The following AGAP1 variants were observed in gnomAD, a reference collection of about 807,000 sequenced individuals.
AGAP1 encodes ArfGAP with GTPase domain, ankyrin repeat and PH domain 1.
A neutral mutation model predicts 105.3 loss-of-function variants in AGAP1; 29 were observed. The observed-to-expected ratio is 0.28, with a 90% CI of 0.21 to 0.38. AGAP1 has a LOEUF of 0.38. Among genes scored for constraint, AGAP1 ranks in the 10% least tolerant of loss-of-function variants. The probability of loss-of-function intolerance (pLI) is 1.00; values close to 1 mark genes in which losing one functional copy is unlikely to be tolerated. For synonymous variants in AGAP1, 509 were observed against 485.9 expected (o/e 1.05, Z -0.63); for missense variants, 998 against 1,165.1 (o/e 0.86, Z 2.09).
Position 235,851,282 on chromosome 2 carries a change from A to C in AGAP1, c.1051-32063A>C, listed in dbSNP as rs532408838. Among the ~76,000 whole-genome samples, 3 of 152,180 alleles carry C rather than the reference A, an allele frequency of 2.0e-5. No individual in the cohort carries two copies. In the South Asian group the frequency reaches 6.2e-4, roughly 32 times the overall value. ...CCTGGCGCTCCTGCTGCTCGGTCGG[A>C]GCTGGGAGGGAAACGTGGCTCCACT... On this transcript the variant is annotated intron_variant, in intron 9 of 17. Transcript: ENST00000304032.
chr2:235,871,444 T>C (rs1559589064), intron 9 of AGAP1, among the ~76,000 whole-genome samples: 2 of 152,300 alleles, frequency 1.3e-5, no homozygotes, highest in East Asian at 1.9e-4. Context: ...GGCAGGTTGC[T>C]AATTGCCCTG....
intron 11 of AGAP1, among the ~76,000 whole-genome samples, chr2:235,929,454 G>A (rs1034896787): frequency 6.6e-6 from 1 of 152,082 alleles, no homozygotes; most frequent in Non-Finnish European, 1.5e-5. Flanking sequence ...TTTCCCTTAT[G>A]ACGTTCAGAA....
intron 1 of AGAP1, among the ~76,000 whole-genome samples, chr2:235,573,771 G>C (rs1192334053): frequency 1.3e-5 from 2 of 152,198 alleles, no homozygotes; most frequent in Non-Finnish European, 2.9e-5. Context: ...CATCTGGAGA[G>C]TCAGGTCAGG....
chr2:235,899,321 T>A (rs1302790230), intron 10 of AGAP1, among the ~76,000 whole-genome samples: 3 of 152,192 alleles, frequency 2.0e-5, no homozygotes, highest in Admixed American at 1.3e-4. Context: ...AAGGCCAGCC[T>A]GGCCAACATG....
In AGAP1 at chr2:235,620,129, C is replaced by T. The variant is rs1946429621; in HGVS notation, c.164-89050C>T. 6.6e-6 allele frequency among the ~76,000 whole-genome samples: 1 copy of T among 152,196 alleles called. No homozygotes were observed. Among genetic ancestry groups the T allele is most frequent in the African/African-American group, 2.4e-5 (1 of 41,466 alleles). ...CCTCGCATGCTGGAGACTTGTCATT[C>T]TTCTCCTGCCGGGCATGGATGCTGA... is the stretch of plus-strand genomic sequence containing the variant. On this transcript the variant is annotated intron_variant, in intron 1 of 17. Coordinates refer to ENST00000304032, the MANE Select transcript of AGAP1 (RefSeq NM_001037131.3). This position sits in a 1 kb window ranked among gnomAD's most constrained non-coding sequence, Gnocchi z 4.5.
intron 1 of AGAP1, among the ~76,000 whole-genome samples, chr2:235,653,740 A>G (rs1318648300): frequency 6.6e-6 from 1 of 152,184 alleles, no homozygotes; most frequent in Admixed American, 6.5e-5. Flanking sequence ...CAAGTTTAAA[A>G]ATTAAAAATG....
rs78093731 is a variant in AGAP1, at chr2:235,611,527, A to C, written c.164-97652A>C. Among the ~76,000 whole-genome samples the C allele has an allele frequency of 3.5e-3, 534 of 152,282 alleles. 7 individuals are homozygous for C. The highest frequency in any genetic ancestry group is 0.012 in the African/African-American group (516 of 41,552). On this transcript the variant is annotated intron_variant, in intron 1 of 17. Transcript: ENST00000304032. This position sits in a 1 kb window ranked among gnomAD's most constrained non-coding sequence, Gnocchi z 5.0. The stretch of plus-strand genomic sequence containing the variant: ...GATTCCTGTTTTGAGGTGGTGATTT[A>C]TGATGCCTGTGTACTTCCCTGTGGT...
At chr2:235,859,044 A>C (rs2048802975) in intron 9 of AGAP1, among the ~76,000 whole-genome samples, 1 of 152,226 alleles carries the variant, frequency 6.6e-6, no homozygotes, top group South Asian at 2.1e-4. Context: ...CACAGCATGA[A>C]GCAAGGGGAA....
chr2:235,966,396 G>A (rs1287604128), intron 12 of AGAP1, among the ~76,000 whole-genome samples: 1 of 152,006 alleles, frequency 6.6e-6, no homozygotes, highest in African/African-American at 2.4e-5. Flanking sequence ...AGCCGTGATG[G>A]TGGAGTCACA....
chr2:235,652,075 C>T (rs374252818), intron 1 of AGAP1, among the ~76,000 whole-genome samples: 7 of 152,244 alleles, frequency 4.6e-5, no homozygotes, highest in South Asian at 2.1e-4. Context: ...TAGACCATAT[C>T]GAAGGGGGCA....
chr2:236,028,196 T>C (rs1448695320), intron 13 of AGAP1, among the ~76,000 whole-genome samples: 1 of 152,170 alleles, frequency 6.6e-6, no homozygotes, highest in Admixed American at 6.5e-5. Context: ...TCACAGGGTG[T>C]CTTGCATCTG....
intron 1 of AGAP1, among the ~76,000 whole-genome samples, chr2:235,562,923 G>A (rs868436488): frequency 3.3e-5 from 5 of 152,156 alleles, no homozygotes; most frequent in South Asian, 2.1e-4. Context: ...TAGCCCGGCC[G>A]GTGGTGTGCG....
chr2:235,685,322 A>G (rs948948253), intron 1 of AGAP1, among the ~76,000 whole-genome samples: 5 of 151,632 alleles, frequency 3.3e-5, no homozygotes, highest in African/African-American at 1.2e-4. Flanking sequence ...GCCTCCTTCC[A>G]GGGGCTCTCA....
rs189024912 is a variant in AGAP1 at position 235,992,686 on chromosome 2, G to T, written c.1645+24063G>T. 6.6e-6 allele frequency among the ~76,000 whole-genome samples: 1 copy of T among 152,296 alleles called. No individual in the cohort carries two copies. Among genetic ancestry groups the T allele is most frequent in the African/African-American group, 2.4e-5 (1 of 41,570 alleles). Reference sequence around the variant, plus strand: ...AGTAGCATTGAACCACATTTTTAAGGTGACTCTTCAACTCACCAAGAATAT... The same window carrying T: ...AGTAGCATTGAACCACATTTTTAAGTTGACTCTTCAACTCACCAAGAATAT... On this transcript the variant is annotated intron_variant, in intron 13 of 17. Transcript: ENST00000304032. This position sits in a 1 kb window ranked among gnomAD's most constrained non-coding sequence, Gnocchi z 4.8.
At chr2:235,579,079 C>G (rs372995297) in intron 1 of AGAP1, among the ~76,000 whole-genome samples, 8 of 152,224 alleles carry the variant, frequency 5.3e-5, no homozygotes, top group African/African-American at 1.9e-4. Flanking sequence ...CAAATTATCA[C>G]CATGAAGCAG....
rs2054228802 is a variant in AGAP1 at position 235,962,368 on chromosome 2, G to A, written c.1484-6094G>A. Among the ~76,000 whole-genome samples the A allele has an allele frequency of 6.6e-6, 1 of 152,114 alleles. No homozygotes were observed. The highest frequency in any genetic ancestry group is 2.4e-5 in the African/African-American group (1 of 41,420). ...TTGGGGCTTCCTACTCAGGAGAGATGGTGGGAGAAGGGAAACTTACAAGGG... is the reference window on the plus strand; with the variant it reads ...TTGGGGCTTCCTACTCAGGAGAGATAGTGGGAGAAGGGAAACTTACAAGGG... On this transcript the variant is annotated intron_variant, in intron 12 of 17. Transcript: ENST00000304032. This position sits in a 1 kb window ranked among gnomAD's most constrained non-coding sequence, Gnocchi z 5.3.
chr2:235,687,463 G>T (rs936421377), intron 1 of AGAP1, among the ~76,000 whole-genome samples: 1 of 152,212 alleles, frequency 6.6e-6, no homozygotes, highest in Admixed American at 6.5e-5. Context: ...ACCTTTGGGG[G>T]TGACAGTCCG....
In AGAP1 at chr2:235,621,407, T is replaced by A. The variant is rs1487176326; in HGVS notation, c.164-87772T>A. Among the ~76,000 whole-genome samples, 4 of 152,176 alleles carry A rather than the reference T, an allele frequency of 2.6e-5. No individual in the cohort carries two copies. On this transcript the variant is annotated intron_variant, in intron 1 of 17. Transcript: ENST00000304032. This position sits in a 1 kb window ranked among gnomAD's most constrained non-coding sequence, Gnocchi z 4.1. ...AACAGTCTCTACCTCCCAGAGTGGT[T>A]GGGGTTACGTGAAGTAAGCTTAGAC... is the stretch of plus-strand genomic sequence containing the variant.
chr2:236,004,779 T>G (rs910562680), intron 13 of AGAP1, among the ~76,000 whole-genome samples: 2 of 152,212 alleles, frequency 1.3e-5, no homozygotes, highest in African/African-American at 4.8e-5. Context: ...AAATGTGACA[T>G]ATAGTGTGTG....
Sources: allele counts gnomAD v4.1 joint callset (sites outside exome capture counted in the v4.1 genomes callset), GRCh38; gene constraint gnomAD v4.1.1; non-coding constraint Gnocchi (gnomAD v3.1); transcripts MANE v1.5; gene names NCBI Gene and HGNC (gene_info 2026-07-23, HGNC 2026-07-21).